The following SKIL variants were observed in gnomAD, a reference collection of about 807,000 sequenced individuals.
SKIL encodes the protein ski-like protein.
In SKIL, 20 loss-of-function variants were observed where a neutral mutation model predicts 69.6. The ratio of observed to expected loss-of-function variants is 0.29; its 90% CI spans 0.20 to 0.42. The LOEUF is 0.42. Ranked by LOEUF, SKIL falls within the 10% of genes least tolerant of loss-of-function variation. The probability of loss-of-function intolerance (pLI) is 1.00; values close to 1 mark genes in which losing one functional copy is unlikely to be tolerated. For synonymous variants in SKIL, 310 were observed against 279.9 expected, an observed-to-expected ratio of 1.11 and a Z score of -1.08; for missense variants, 745 against 783.1, an observed-to-expected ratio of 0.95 and a Z score of 0.58.
At chr3:170,370,720 A>G (rs1011853914) in intron 2 of SKIL, among the ~76,000 whole-genome samples, 2 of 152,206 alleles carry the variant, frequency 1.3e-5, no homozygotes, top group South Asian at 2.1e-4. Flanking sequence ...ACAAGGAATT[A>G]AAAAGCTTAA....
chr3:170,363,948 G>T (rs13433725), intron 2 of SKIL, among the ~76,000 whole-genome samples: 1 of 151,936 alleles, frequency 6.6e-6, no homozygotes, highest in Non-Finnish European at 1.5e-5. Flanking sequence ...AGCTAATTAG[G>T]TGCTGTACTT....
At chr3:170,369,567 A>G (rs994174210) in intron 2 of SKIL, among the ~76,000 whole-genome samples, 1 of 152,052 alleles carries the variant, frequency 6.6e-6, no homozygotes, top group Non-Finnish European at 1.5e-5. Flanking sequence ...ATAGCTGGCT[A>G]ATTTTTGTAT....
At chr3:170,359,061 A>AT (rs1054100437) in intron 1 of SKIL, among the ~76,000 whole-genome samples, 12 of 152,170 alleles carry the variant, frequency 7.9e-5, no homozygotes, top group Middle Eastern at 3.4e-3. Context: ...GAAGTAATGG[A>AT]TTTTTTTCCC....
At chr3:170,366,718 CT>C (rs1433172203) in intron 2 of SKIL, among the ~76,000 whole-genome samples, 2 of 151,634 alleles carry the variant, frequency 1.3e-5, no homozygotes, top group Admixed American at 6.6e-5. Flanking sequence ...CACACACATA[CT>C]TGATTTTAGA....
Position 170,361,312 on chromosome 3 carries a change from C to T in SKIL, c.981C>T (p.Cys327=). The T allele has an allele frequency of 1.9e-6, 3 of 1,614,000 alleles. No homozygotes were observed. The highest frequency in any genetic ancestry group is 2.5e-6 in the Non-Finnish European group (3 of 1,179,992). The change falls in exon 2 of 7, where the codon TGC becomes TGT. Residue 327 remains cysteine (C), a synonymous_variant. Transcript: ENST00000259119. The stretch of plus-strand genomic sequence containing the variant: ...GCTTTGAATCAGCTAAATGGCATTG[C>T]TATCTTCATGTGAACCAAAAATACT... The part of the protein sequence containing the change: ...HWGFESAKWH[C]YLHVNQKYLG...
intron 2 of SKIL, among the ~76,000 whole-genome samples, chr3:170,369,189 A>T (rs1425343648): frequency 6.6e-6 from 1 of 151,414 alleles, no homozygotes; most frequent in Non-Finnish European, 1.5e-5. Flanking sequence ...TAAAAAATAG[A>T]ATTGTTAGCA....
chr3:170,361,350 A>C lies in SKIL; in HGVS notation c.1019A>C (p.Glu340Ala). 6.2e-7 allele frequency: 1 copy of C among 1,610,920 alleles called. No homozygotes were observed. Residue 340 changes from glutamate to alanine, a missense_variant, in exon 2 of 7, where the codon GAA (glutamate) becomes GCA (alanine). Physicochemically the swap from Glu to Ala is moderately radical, Grantham distance 107. Transcript: ENST00000259119. ...AACCAAAAATACTTAGGAACACCTG[A>C]AGAAAAGAAACTGAAGATAATTTTA... Reference protein sequence around the residue: ...HVNQKYLGTPEEKKLKIILEE... With the variant: ...HVNQKYLGTPAEKKLKIILEE...
At chr3:170,364,079 T>G (rs1399369075) in intron 2 of SKIL, among the ~76,000 whole-genome samples, 1 of 152,070 alleles carries the variant, frequency 6.6e-6, no homozygotes, top group African/African-American at 2.4e-5. Flanking sequence ...GTCTTCCGAG[T>G]AGCTGGGACT....
chr3:170,389,839 T>C (rs1431745821), intron 4 of SKIL, among the ~76,000 whole-genome samples: 2 of 152,250 alleles, frequency 1.3e-5, no homozygotes, highest in East Asian at 3.8e-4. Flanking sequence ...TTCAAGATTA[T>C]TTTGCCTATT....
intron 2 of SKIL, among the ~76,000 whole-genome samples, chr3:170,369,782 A>G (rs1375507664): frequency 6.6e-6 from 1 of 152,194 alleles, no homozygotes; most frequent in Non-Finnish European, 1.5e-5. Flanking sequence ...TTCCTAGTAA[A>G]GGGGTAGAAC....
chr3:170,371,412 CAGG>C (rs1240335789), intron 2 of SKIL, among the ~76,000 whole-genome samples: 2 of 152,122 alleles, frequency 1.3e-5, no homozygotes, highest in Non-Finnish European at 1.5e-5. Flanking sequence ...GAGGCTGAGG[CAGG>C]AGAATTGCTT....
In SKIL at chr3:170,395,985, A is replaced by G. The variant is rs923692282; in HGVS notation, c.*3568A>G. ...TGGAAGAAAAGTGTATTAGTATTTT[A>G]TATTGCATTTCATTTAAAAGGACAG... On this transcript the variant is annotated 3_prime_UTR_variant, in exon 7 of 7. Transcript: ENST00000259119. The G allele has an allele frequency of 1.4e-5, 2 of 147,768 alleles. No homozygotes were observed. The highest frequency in any genetic ancestry group is 5.0e-5 in the African/African-American group (2 of 40,296). 9.2% of individuals were successfully genotyped at this position (147,768 alleles called of 1,614,324 possible).
rs992225075 is a variant in SKIL, at chr3:170,396,282, T to G, written c.*3865T>G. ...AGAAAGCACAGCATACTTAAAGTAGTTCTAGTAAACATGTCCTAGAAAACA... is the reference window on the plus strand; with the variant it reads ...AGAAAGCACAGCATACTTAAAGTAGGTCTAGTAAACATGTCCTAGAAAACA... On this transcript the variant is annotated 3_prime_UTR_variant, in exon 7 of 7. Transcript: ENST00000259119. 3.9e-5 allele frequency: 6 copies of G among 152,150 alleles called. No homozygotes were observed. The highest frequency in any genetic ancestry group is 1.2e-4 in the African/African-American group (5 of 41,456). The allele number at this position is 152,150 out of a possible 1,614,324, so 9.4% of individuals were successfully genotyped here.
At chr3:170,390,109 T>G (rs1451849954) in intron 4 of SKIL, 114 bp from the exon 5 acceptor site, 1 of 735,240 alleles carries the variant, frequency 1.4e-6, no homozygotes, top group Admixed American at 2.8e-5. Context: ...ATTTTATTTG[T>G]TTTGGTCTAA....
intron 2 of SKIL, among the ~76,000 whole-genome samples, chr3:170,378,425 T>G (rs1260665162): frequency 2.0e-5 from 3 of 152,214 alleles, no homozygotes; most frequent in African/African-American, 7.2e-5. Context: ...TCACTACTGC[T>G]TAACATCCAG....
intron 4 of SKIL, among the ~76,000 whole-genome samples, chr3:170,389,871 A>G (rs1407629183): frequency 2.0e-5 from 3 of 152,090 alleles, no homozygotes; most frequent in African/African-American, 7.2e-5. Flanking sequence ...GCATTTCCAT[A>G]TGGATTTTAG....
chr3:170,358,959 T>G (rs1249624481), intron 1 of SKIL, among the ~76,000 whole-genome samples: 1 of 152,232 alleles, frequency 6.6e-6, no homozygotes, highest in Non-Finnish European at 1.5e-5. Context: ...ATTAATCCAC[T>G]TAAAATTGTA....
At chr3:170,372,074 T>C (rs974075570) in intron 2 of SKIL, among the ~76,000 whole-genome samples, 7 of 152,316 alleles carry the variant, frequency 4.6e-5, no homozygotes, top group African/African-American at 1.7e-4. Context: ...AAATAATGTG[T>C]ATGACACTGA....
chr3:170,382,845 A>G (rs1737432599), intron 3 of SKIL, among the ~76,000 whole-genome samples: 1 of 148,448 alleles, frequency 6.7e-6, no homozygotes, highest in Admixed American at 6.8e-5. Flanking sequence ...CAGCCTCCTG[A>G]GTAGCTGGGA....
Sources: allele counts gnomAD v4.1 joint callset (sites outside exome capture counted in the v4.1 genomes callset), GRCh38; gene constraint gnomAD v4.1.1; transcripts MANE v1.5; gene names NCBI Gene and HGNC (gene_info 2026-07-23, HGNC 2026-07-21).